The following INSR variants were observed in gnomAD, a reference collection of about 807,000 sequenced individuals.
INSR encodes the protein IR.
Under a neutral mutation model 142.6 loss-of-function variants are expected in INSR, and 67 were observed. The observed-to-expected ratio is 0.47, with a 90% CI of 0.39 to 0.58. The LOEUF (loss-of-function observed/expected upper bound fraction) is 0.58, where lower values mean the gene tolerates loss of function less well. Ranked by LOEUF, INSR falls within the 20% of genes least tolerant of loss-of-function variation. INSR has a pLI of 0.00. For synonymous variants in INSR, 756 were observed against 743.1 expected, an observed-to-expected ratio of 1.02 and a Z score of -0.28; for missense variants, 1,248 against 1,833.2, an observed-to-expected ratio of 0.68 and a Z score of 5.83.
At chr19:7,224,503 G>A (rs948506592) in intron 2 of INSR, among the ~76,000 whole-genome samples, 2 of 152,076 alleles carry the variant, frequency 1.3e-5, no homozygotes, top group African/African-American at 4.8e-5. Flanking sequence ...CGAGCTTTCC[G>A]CCATGGGGGC....
At chr19:7,153,548 A>G (rs1973508153) in intron 9 of INSR, among the ~76,000 whole-genome samples, 1 of 146,570 alleles carries the variant, frequency 6.8e-6, no homozygotes, top group South Asian at 2.2e-4. Flanking sequence ...CAGAGCCTAG[A>G]TTTGAGCTCC....
In INSR at chr19:7,135,005, C is replaced by A. The variant is rs1263449968; in HGVS notation, c.2683-2688G>T. Among the ~76,000 whole-genome samples, 5 of 141,998 alleles carry A rather than the reference C, an allele frequency of 3.5e-5. No individual in the cohort carries two copies. In the East Asian group the frequency reaches 1.0e-3, roughly 30 times the overall value. The allele number at this position is 141,998 out of a possible 152,430, so 93.2% of individuals were successfully genotyped here. On this transcript the variant is annotated intron_variant, in intron 13 of 21. Transcript: ENST00000302850. ...GCCCAAAACTCTGAAAAGTTTTCGA[C>A]ACAGTTCCAAGCTAATAGTGCATGC... is the stretch of plus-strand genomic sequence containing the variant.
chr19:7,294,391 C>T lies in INSR; in HGVS notation c.-500G>A, dbSNP rs2860189. ...CCCGTCAGCTGGGCCCCGTGCGGGC[C>T]GCGGGAAAAGGCGGCGCGGATCTGG... On this transcript the variant is annotated 5_prime_UTR_variant, in exon 1 of 22. Transcript: ENST00000302850. Among the ~76,000 whole-genome samples the T allele has an allele frequency of 0.19, 28,328 of 151,310 alleles. 3,189 individuals are homozygous for T. Among genetic ancestry groups the T allele is most frequent in the East Asian group, 0.4 (2,032 of 5,044 alleles).
At chr19:7,246,401 C>T (rs918885456) in intron 2 of INSR, among the ~76,000 whole-genome samples, 12 of 152,112 alleles carry the variant, frequency 7.9e-5, no homozygotes, top group African/African-American at 2.7e-4. Flanking sequence ...AAAACCAAGG[C>T]CTCCCAGCTG....
chr19:7,220,335 G>T (rs1047690431), intron 2 of INSR, among the ~76,000 whole-genome samples: 10 of 152,318 alleles, frequency 6.6e-5, no homozygotes, highest in African/African-American at 2.4e-4. Context: ...CTGTCGCCCA[G>T]CCTGGAGTGC....
chr19:7,170,257 C>T (rs1338521795), intron 6 of INSR, among the ~76,000 whole-genome samples: 1 of 151,656 alleles, frequency 6.6e-6, no homozygotes, highest in Non-Finnish European at 1.5e-5. Flanking sequence ...TTATGAAAAT[C>T]TAATGCCTGA....
At chr19:7,201,664 A>ATTTTTT (rs1568483469) in intron 2 of INSR, among the ~76,000 whole-genome samples, 4 of 102,114 alleles carry the variant, frequency 3.9e-5, no homozygotes, top group African/African-American at 1.9e-4. Context: ...ATCTATTTTC[A>ATTTTTT]TTCTTTTTTT....
At chr19:7,281,748 C>T (rs1454873268) in intron 1 of INSR, among the ~76,000 whole-genome samples, 1 of 152,032 alleles carries the variant, frequency 6.6e-6, no homozygotes, top group Non-Finnish European at 1.5e-5. Flanking sequence ...CTCTCGAGTC[C>T]CTTCCTGTCT....
intron 2 of INSR, among the ~76,000 whole-genome samples, chr19:7,208,583 G>T (rs558551453): frequency 6.6e-6 from 1 of 152,304 alleles, no homozygotes; most frequent in South Asian, 2.1e-4. Context: ...GAAAACAACA[G>T]CTGTGGCCGG....
rs570153153 is a variant in INSR, at chr19:7,286,224, C to A, written c.100+7568G>T. On this transcript the variant is annotated intron_variant, in intron 1 of 21. Transcript: ENST00000302850. ...TCTTGAACTCCTGGGCTCAAGAGATCCACCTGCTTCGGCCTCCCAAAGTGC... is the reference window on the plus strand; with the variant it reads ...TCTTGAACTCCTGGGCTCAAGAGATACACCTGCTTCGGCCTCCCAAAGTGC... Among the ~76,000 whole-genome samples, 3 of 152,078 alleles carry A rather than the reference C, an allele frequency of 2.0e-5. 1 individual carries two copies. Among genetic ancestry groups the A allele is most frequent in the African/African-American group, 7.2e-5 (3 of 41,478 alleles).
chr19:7,275,102 A>C (rs1968027148), intron 1 of INSR, among the ~76,000 whole-genome samples: 1 of 151,800 alleles, frequency 6.6e-6, no homozygotes, highest in African/African-American at 2.4e-5. Flanking sequence ...CAGCCTCCCG[A>C]GTAGTTGGTA....
chr19:7,267,443 A>G lies in INSR; in HGVS notation c.554T>C (p.Ile185Thr). The change falls in exon 2 of 22, where the codon ATC (isoleucine) becomes ACC (threonine). Residue 185 changes from isoleucine (I) to threonine (T), a missense_variant. By Grantham distance (89) the Ile-to-Thr change is moderately conservative. Coordinates refer to ENST00000302850, the MANE Select transcript of INSR (RefSeq NM_000208.4). This position sits in a 1 kb window ranked among gnomAD's most constrained non-coding sequence, Gnocchi z 6.3. The part of the protein sequence containing the change: ...NKDDNEECGD[I>T]CPGTAKGKTN... ...CTTGCCCTTCGCGGTACCCGGACAGATGTCTCCACACTCCTCGTTGTCATC... is the reference window on the plus strand; with the variant it reads ...CTTGCCCTTCGCGGTACCCGGACAGGTGTCTCCACACTCCTCGTTGTCATC... 2 of 1,614,030 alleles carry G rather than the reference A, an allele frequency of 1.2e-6. No homozygotes were observed. The highest frequency in any genetic ancestry group is 2.2e-5 in the East Asian group (1 of 44,874).
At chr19:7,155,010 T>C (rs903603922) in intron 9 of INSR, among the ~76,000 whole-genome samples, 6 of 152,130 alleles carry the variant, frequency 3.9e-5, no homozygotes, top group African/African-American at 1.4e-4. Flanking sequence ...TTCAGTGGAC[T>C]TACAGTCTAC....
intron 2 of INSR, among the ~76,000 whole-genome samples, chr19:7,212,990 T>TA (rs898633478): frequency 2.0e-5 from 3 of 152,064 alleles, no homozygotes; most frequent in African/African-American, 7.2e-5. Flanking sequence ...GGCCAGCAAT[T>TA]AGAGTCCTTT....
chr19:7,166,837 T>C lies in INSR; in HGVS notation c.1611-433A>G, dbSNP rs1973901243. Among the ~76,000 whole-genome samples, 1 of 152,116 alleles carries C rather than the reference T, an allele frequency of 6.6e-6. No individual in the cohort carries two copies. The highest frequency in any genetic ancestry group is 1.5e-5 in the Non-Finnish European group (1 of 68,022). ...CAGGAGGTTGAGGCAGGAGAATTGC[T>C]TGAACCCGGGAGGCAGAGGTAGCAT... On this transcript the variant is annotated intron_variant, in intron 7 of 21. Transcript: ENST00000302850. This position sits in a 1 kb window ranked among gnomAD's most constrained non-coding sequence, Gnocchi z 4.1.
intron 2 of INSR, among the ~76,000 whole-genome samples, chr19:7,245,522 T>C (rs1371253302): frequency 1.3e-5 from 2 of 152,028 alleles, no homozygotes; most frequent in African/African-American, 4.8e-5. Context: ...CAATCTCGGC[T>C]CATTGAACCT....
chr19:7,144,816 GA>G (rs1020612003), intron 11 of INSR, among the ~76,000 whole-genome samples: 4 of 151,586 alleles, frequency 2.6e-5, no homozygotes, highest in African/African-American at 9.7e-5. Flanking sequence ...AGGGAGATAA[GA>G]AACTCTTTAA....
chr19:7,197,514 GGGGTGTGTGTGT>G lies in INSR; in HGVS notation c.653-12889_653-12878del, dbSNP rs960687693. ...ATTGGCAGGTTCCAGAGTGGGAGTGGGGGTGTGTGTGTGTGTGTGTGTGTGTGTGTGTCAGGT... is the reference window on the plus strand; with the variant it reads ...ATTGGCAGGTTCCAGAGTGGGAGTGGGTGTGTGTGTGTGTGTGTGTCAGGT... On this transcript the variant is annotated intron_variant, in intron 2 of 21. Coordinates refer to ENST00000302850, the MANE Select transcript of INSR (RefSeq NM_000208.4). Among the ~76,000 whole-genome samples the G allele has an allele frequency of 1.1e-4, 3 of 26,946 alleles. 1 individual carries two copies. The highest frequency in any genetic ancestry group is 2.0e-4 in the African/African-American group (2 of 9,840). 17.7% of individuals were successfully genotyped at this position (26,946 alleles called of 152,430 possible). A position where few individuals can be genotyped will look rare whatever the true frequency, so the allele number is the denominator to read the frequency against.
rs1455008582 is a variant in INSR at position 7,294,361 on chromosome 19, C to A, written c.-470G>T. Among the ~76,000 whole-genome samples, 1 of 151,638 alleles carries A rather than the reference C, an allele frequency of 6.6e-6. No homozygotes were observed. The highest frequency in any genetic ancestry group is 6.6e-5 in the Admixed American group (1 of 15,236). On this transcript the variant is annotated 5_prime_UTR_variant, in exon 1 of 22. Transcript: ENST00000302850. ...GAGGGCTGCTCGGGCCCGTAAACAA[C>A]GCGGCCCGTCAGCTGGGCCCCGTGC...
Sources: allele counts gnomAD v4.1 joint callset (sites outside exome capture counted in the v4.1 genomes callset), GRCh38; gene constraint gnomAD v4.1.1; non-coding constraint Gnocchi (gnomAD v3.1); transcripts MANE v1.5; gene names NCBI Gene and HGNC (gene_info 2026-07-23, HGNC 2026-07-21).